The following GALNTL6 variants were observed in gnomAD, a reference collection of about 807,000 sequenced individuals.
GALNTL6 encodes polypeptide N-acetylgalactosaminyltransferase-like 6.
GALNTL6 carries 46 observed loss-of-function variants against 73.7 expected under a neutral mutation model. That is an observed-to-expected ratio of 0.62 (90% CI 0.49 to 0.80). GALNTL6 has a LOEUF of 0.80. Ranked by LOEUF, GALNTL6 falls within the 30% of genes least tolerant of loss-of-function variation. The pLI is 0.00. For missense variants in GALNTL6, 604 were observed against 755.0 expected, an observed-to-expected ratio of 0.80 and a Z score of 2.34; for synonymous variants, 259 against 263.7, an observed-to-expected ratio of 0.98 and a Z score of 0.17.
In GALNTL6 at chr4:171,823,124, G is replaced by A. The variant is rs189663312; in HGVS notation, c.138+8406G>A. Among the ~76,000 whole-genome samples, 146 of 152,228 alleles carry A rather than the reference G, an allele frequency of 9.6e-4. 1 individual carries two copies. The highest frequency in any genetic ancestry group is 3.4e-3 in the African/African-American group (140 of 41,534). Reference sequence around the variant, plus strand: ...AAGATGTCATTAGGCTTGATAATTTGTCCCTGGTATTCTCTTGATTATAGT... The same window carrying A: ...AAGATGTCATTAGGCTTGATAATTTATCCCTGGTATTCTCTTGATTATAGT... On this transcript the variant is annotated intron_variant, in intron 2 of 12. Transcript: ENST00000506823.
chr4:172,743,713 G>C (rs1736934880), intron 5 of GALNTL6, among the ~76,000 whole-genome samples: 1 of 152,128 alleles, frequency 6.6e-6, no homozygotes, highest in African/African-American at 2.4e-5. Context: ...TAACTGTGCA[G>C]ATGTGCTATC....
intron 5 of GALNTL6, among the ~76,000 whole-genome samples, chr4:172,774,788 C>G (rs922104265): frequency 1.3e-5 from 2 of 151,854 alleles, no homozygotes; most frequent in Non-Finnish European, 2.9e-5. Context: ...GGTGAAACCC[C>G]GTCTCTACTA....
At chr4:172,910,364 C>T (rs543173394) in intron 8 of GALNTL6, among the ~76,000 whole-genome samples, 16 of 152,106 alleles carry the variant, frequency 1.1e-4, no homozygotes, top group African/African-American at 2.2e-4. Flanking sequence ...GCAGGATGCC[C>T]ATAATATAGA....
At chr4:172,055,071 G>A (rs1730983578) in intron 2 of GALNTL6, among the ~76,000 whole-genome samples, 1 of 152,120 alleles carries the variant, frequency 6.6e-6, no homozygotes, top group Non-Finnish European at 1.5e-5. Flanking sequence ...CCAAATGGAA[G>A]ACAGAATCTC....
intron 10 of GALNTL6, among the ~76,000 whole-genome samples, chr4:172,972,429 A>G (rs1269895951): frequency 6.6e-6 from 1 of 152,254 alleles, no homozygotes; most frequent in African/African-American, 2.4e-5. Context: ...TAAGCCTAAA[A>G]TTAAAGAAAC....
At chr4:172,961,828 G>A (rs1253322642) in intron 10 of GALNTL6, among the ~76,000 whole-genome samples, 1 of 152,200 alleles carries the variant, frequency 6.6e-6, no homozygotes, top group Non-Finnish European at 1.5e-5. Context: ...CTTTCTCATG[G>A]AACAAAGAGC....
chr4:172,332,454 C>T (rs1420249608), intron 4 of GALNTL6, among the ~76,000 whole-genome samples: 1 of 152,000 alleles, frequency 6.6e-6, no homozygotes, highest in African/African-American at 2.4e-5. Context: ...TCCCTCCTAA[C>T]CCTGGCTCCC....
chr4:172,454,245 A>T (rs1732312911), intron 5 of GALNTL6, among the ~76,000 whole-genome samples: 1 of 152,228 alleles, frequency 6.6e-6, no homozygotes, highest in Non-Finnish European at 1.5e-5. Context: ...ATGATCTCCC[A>T]CCTCCATCCT....
At chr4:173,017,828 A>C (rs1249123876) in intron 11 of GALNTL6, among the ~76,000 whole-genome samples, 1 of 152,228 alleles carries the variant, frequency 6.6e-6, no homozygotes, top group African/African-American at 2.4e-5. Context: ...TAGGTGAATA[A>C]AGTTGCCCAA....
In GALNTL6 at chr4:172,311,643, C is replaced by G. The variant is rs1385528212; in HGVS notation, c.277C>G (p.Leu93Val). The G allele has an allele frequency of 6.2e-7, 1 of 1,610,648 alleles. No homozygotes were observed. Residue 93 changes from leucine to valine, a missense_variant, in exon 4 of 13, where the codon CTT (leucine) becomes GTT (valine). Around this residue, in one of 5 missense-constraint regions of GALNTL6, gnomAD observed 141 missense variants for 156.6 expected, o/e 0.90. Coordinates refer to ENST00000506823, the MANE Select transcript of GALNTL6 (RefSeq NM_001034845.3). ...GKGEHGKPYPLTEEDHDDSAY... is the reference protein window; with the variant it reads ...GKGEHGKPYPVTEEDHDDSAY... ...AGGTGAACATGGGAAACCTTACCCC[C>G]TTACTGAAGAGGACCATGATGACTC...
intron 3 of GALNTL6, among the ~76,000 whole-genome samples, chr4:172,309,277 CT>C (rs989204665): frequency 1.3e-5 from 2 of 150,992 alleles, no homozygotes; most frequent in South Asian, 2.1e-4. Context: ...AAGAAAGATA[CT>C]TTTTTTTTGA....
chr4:172,911,311 C>T (rs765240873), intron 8 of GALNTL6, among the ~76,000 whole-genome samples: 3 of 152,182 alleles, frequency 2.0e-5, no homozygotes, highest in Non-Finnish European at 4.4e-5. Flanking sequence ...ATAAAATGTG[C>T]TCATTGGAAA....
At chr4:172,293,472 T>G (rs1739543847) in intron 3 of GALNTL6, among the ~76,000 whole-genome samples, 1 of 151,958 alleles carries the variant, frequency 6.6e-6, no homozygotes, top group South Asian at 2.1e-4. Flanking sequence ...GAGAAGGATA[T>G]TATTATTATT....
At chr4:171,912,795 C>T (rs114669833) in intron 2 of GALNTL6, among the ~76,000 whole-genome samples, 1,616 of 152,158 alleles carry the variant, frequency 0.011, 25 homozygotes, top group African/African-American at 0.037. Flanking sequence ...TGAAAACATG[C>T]GGTATTTGTG....
At chr4:172,401,577 TTC>T (rs1376376321) in intron 5 of GALNTL6, among the ~76,000 whole-genome samples, 7 of 152,090 alleles carry the variant, frequency 4.6e-5, no homozygotes, top group African/African-American at 1.7e-4. Flanking sequence ...CATTTATAGT[TTC>T]TCTCTTTTTA....
At chr4:172,496,964 G>C (rs1420552421) in intron 5 of GALNTL6, among the ~76,000 whole-genome samples, 1 of 152,138 alleles carries the variant, frequency 6.6e-6, no homozygotes, top group Admixed American at 6.5e-5. Flanking sequence ...TGTTCAGTTA[G>C]TTTTCAATTT....
chr4:173,011,663 C>G (rs1301662669), intron 11 of GALNTL6, among the ~76,000 whole-genome samples: 2 of 152,060 alleles, frequency 1.3e-5, no homozygotes, highest in African/African-American at 4.8e-5. Context: ...TTCTTGGTAC[C>G]TTTGTCAAAA....
chr4:172,336,265 G>GTTT (rs1453823455), intron 4 of GALNTL6, among the ~76,000 whole-genome samples: 2 of 25,736 alleles, frequency 7.8e-5, no homozygotes, highest in African/African-American at 1.9e-4. Flanking sequence ...TCTTGGTATA[G>GTTT]TTTTGTTTTG....
At chr4:171,974,453 T>G (rs1409334538) in intron 2 of GALNTL6, among the ~76,000 whole-genome samples, 1 of 152,184 alleles carries the variant, frequency 6.6e-6, no homozygotes, top group Non-Finnish European at 1.5e-5. Flanking sequence ...CCTTGTCACA[T>G]TTATCCTGAT....
Sources: gnomAD v4.1 joint callset for allele counts (sites outside exome capture counted in the v4.1 genomes callset) on GRCh38, gnomAD v4.1.1 for gene constraint, gnomAD v4.1.1 regional missense constraint, MANE v1.5 for transcripts, NCBI Gene and HGNC (gene_info 2026-07-23, HGNC 2026-07-21) for gene names.